The following PCDHGB6 variants were observed in gnomAD, a reference collection of about 807,000 sequenced individuals.
PCDHGB6 encodes protocadherin gamma-B6.
In PCDHGB6, 51 loss-of-function variants were observed where a neutral mutation model predicts 59.1. The ratio of observed to expected loss-of-function variants is 0.86; its 90% CI spans 0.69 to 1.09. The LOEUF (loss-of-function observed/expected upper bound fraction) is 1.09. PCDHGB6 is among the 50% of genes least tolerant of loss of function. The pLI is 0.00. For missense variants in PCDHGB6, 1,148 were observed against 1,205.1 expected (o/e 0.95, Z 0.70); for synonymous variants, 466 against 495.1 (o/e 0.94, Z 0.78).
chr5:141,432,281 A>C lies in PCDHGB6; in HGVS notation c.2418+21661A>C, dbSNP rs1313887209. 1 of 1,614,188 alleles carries C rather than the reference A, an allele frequency of 6.2e-7. No individual in the cohort carries two copies. The highest frequency in any genetic ancestry group is 1.1e-5 in the South Asian group (1 of 91,084). On this transcript the variant is annotated intron_variant, in intron 1 of 3. Coordinates refer to ENST00000520790, the MANE Select transcript of PCDHGB6 (RefSeq NM_018926.3). The surrounding 1 kb of genome is among the most constrained non-coding windows in gnomAD (Gnocchi z 6.0). The stretch of plus-strand genomic sequence containing the variant: ...AAGCCTATCGTCCTACGTGTCCATC[A>C]ACTCCGACACTGGGGTACTGTATGC...
intron 2 of PCDHGB6, among the ~76,000 whole-genome samples, chr5:141,502,787 G>T (rs2099816081): frequency 6.6e-6 from 1 of 151,394 alleles, no homozygotes; most frequent in African/African-American, 2.4e-5. Flanking sequence ...TTACCTGGAT[G>T]ATTTCTTCAG....
chr5:141,466,468 T>C (rs1266315455), intron 1 of PCDHGB6, among the ~76,000 whole-genome samples: 1 of 152,368 alleles, frequency 6.6e-6, no homozygotes, highest in East Asian at 1.9e-4. Flanking sequence ...TTGTTTCTGC[T>C]GTTAATTGTA....
intron 1 of PCDHGB6, among the ~76,000 whole-genome samples, chr5:141,455,549 C>G (rs911113181): frequency 1.3e-5 from 2 of 152,042 alleles, no homozygotes; most frequent in Non-Finnish European, 2.9e-5. Flanking sequence ...TCACGTAGCC[C>G]GAGAAAAAGC....
chr5:141,490,948 G>T lies in PCDHGB6; in HGVS notation c.2419-3859G>T. 1 of 1,613,756 alleles carries T rather than the reference G, an allele frequency of 6.2e-7. No homozygotes were observed. The highest frequency in any genetic ancestry group is 8.5e-7 in the Non-Finnish European group (1 of 1,179,810). On this transcript the variant is annotated intron_variant, in intron 1 of 3. Coordinates refer to ENST00000520790, the MANE Select transcript of PCDHGB6 (RefSeq NM_018926.3). The surrounding 1 kb of genome is among the most constrained non-coding windows in gnomAD (Gnocchi z 5.4). The stretch of plus-strand genomic sequence containing the variant: ...CCCAGCTGTGCTGCACCCACGGCCA[G>T]ACTGGGAACACTCAGCCCCCCAGCG...
At chr5:141,445,553 A>G (rs948468877) in intron 1 of PCDHGB6, among the ~76,000 whole-genome samples, 1 of 152,252 alleles carries the variant, frequency 6.6e-6, no homozygotes, top group Non-Finnish European at 1.5e-5. Context: ...ATACAAAAGC[A>G]CTAAGAGAAA....
Position 141,432,736 on chromosome 5 carries a change from G to T in PCDHGB6, c.2418+22116G>T. On this transcript the variant is annotated intron_variant, in intron 1 of 3. Transcript: ENST00000520790. The surrounding 1 kb of genome is among the most constrained non-coding windows in gnomAD (Gnocchi z 6.0). ...AGCCCCCTCTCTCCGCCACTGTCACGCTCACCGTGGCCGTGGCCGACAGCA... is the reference window on the plus strand; with the variant it reads ...AGCCCCCTCTCTCCGCCACTGTCACTCTCACCGTGGCCGTGGCCGACAGCA... The T allele has an allele frequency of 6.2e-7, 1 of 1,614,058 alleles. No individual in the cohort carries two copies. The highest frequency in any genetic ancestry group is 8.5e-7 in the Non-Finnish European group (1 of 1,179,980).
chr5:141,484,653 C>G (rs2099598614), intron 1 of PCDHGB6, among the ~76,000 whole-genome samples: 1 of 152,036 alleles, frequency 6.6e-6, no homozygotes, highest in Non-Finnish European at 1.5e-5. Flanking sequence ...AATGGCTACT[C>G]TCCCTCTCAG....
chr5:141,421,149 C>T (rs1030911066), intron 1 of PCDHGB6: 1 of 1,086,106 alleles, frequency 9.2e-7, no homozygotes, highest in Non-Finnish European at 1.3e-6. Context: ...ATGTAGTCGG[C>T]CTAGGACTTC....
chr5:141,507,631 C>T (rs1435446169), intron 3 of PCDHGB6, among the ~76,000 whole-genome samples: 4 of 152,236 alleles, frequency 2.6e-5, no homozygotes, highest in East Asian at 3.8e-4. Context: ...TGTGGCCTTG[C>T]GCCCTGAGGC....
intron 1 of PCDHGB6, among the ~76,000 whole-genome samples, chr5:141,446,323 A>G (rs1372501599): frequency 6.6e-6 from 1 of 152,216 alleles, no homozygotes. Flanking sequence ...GGGTTTCCAC[A>G]TTAAGGAACT....
In PCDHGB6 at chr5:141,511,070, G is replaced by A. The variant is rs1341623011; in HGVS notation, c.2690G>A (p.Gly897Asp). ...PDYRQNVYIP[G>D]SNATLTNAAG... ...TACCGCCAGAATGTCTACATCCCAG[G>A]CAGCAATGCCACACTGACCAACGCA... The change falls in exon 4 of 4, where the codon GGC (glycine) becomes GAC (aspartate). Residue 897 changes from glycine to aspartate, a missense_variant. Physicochemically the swap from Gly to Asp is moderately conservative, Grantham distance 94 (BLOSUM62 -1). Transcript: ENST00000520790. 2.5e-6 allele frequency: 4 copies of A among 1,614,218 alleles called. No homozygotes were observed. Among genetic ancestry groups the A allele is most frequent in the Admixed American group, 1.7e-5 (1 of 60,030 alleles).
At chr5:141,464,816 G>A (rs11167751) in intron 1 of PCDHGB6, among the ~76,000 whole-genome samples, 42,470 of 151,904 alleles carry the variant, frequency 0.28, 6,668 homozygotes, top group African/African-American at 0.43. Context: ...ATAGCTCACT[G>A]TAGCCTCGCA....
intron 3 of PCDHGB6, among the ~76,000 whole-genome samples, chr5:141,510,691 T>C (rs1013489554): frequency 4.6e-5 from 7 of 152,138 alleles, no homozygotes; most frequent in African/African-American, 1.7e-4. Flanking sequence ...GGAGGTTAGG[T>C]AGACTTGCCC....
rs781026604 is a variant in PCDHGB6, at chr5:141,490,471, C to G, written c.2419-4336C>G. ...CCACTACTCGCTGCTAACCAGCCAG[C>G]CTTTGGACCGGGAGGCCACATCCCA... On this transcript the variant is annotated intron_variant, in intron 1 of 3. Coordinates refer to ENST00000520790, the MANE Select transcript of PCDHGB6 (RefSeq NM_018926.3). The surrounding 1 kb of genome is among the most constrained non-coding windows in gnomAD (Gnocchi z 5.4). 12 of 1,614,096 alleles carry G rather than the reference C, an allele frequency of 7.4e-6. No homozygotes were observed. The highest frequency in any genetic ancestry group is 1.1e-5 in the South Asian group (1 of 91,092).
intron 1 of PCDHGB6, among the ~76,000 whole-genome samples, chr5:141,443,521 T>A (rs2098392520): frequency 6.6e-6 from 1 of 152,156 alleles, no homozygotes; most frequent in Admixed American, 6.6e-5. Context: ...TCTCTCCTTA[T>A]GACTTATTTA....
Position 141,485,567 on chromosome 5 carries a change from C to G in PCDHGB6, c.2419-9240C>G. The stretch of plus-strand genomic sequence containing the variant: ...CGTAGATGTGAATGATCACGCCCCC[C>G]GTTTTCCGCGGCAGCAGCTGGACTT... On this transcript the variant is annotated intron_variant, in intron 1 of 3. Transcript: ENST00000520790. This position sits in a 1 kb window ranked among gnomAD's most constrained non-coding sequence, Gnocchi z 5.7. 1 of 1,612,882 alleles carries G rather than the reference C, an allele frequency of 6.2e-7. No individual in the cohort carries two copies. The highest frequency in any genetic ancestry group is 8.5e-7 in the Non-Finnish European group (1 of 1,178,978).
In PCDHGB6 at chr5:141,433,032, C is replaced by T. The variant is rs751061646; in HGVS notation, c.2418+22412C>T. The T allele has an allele frequency of 2.5e-6, 4 of 1,614,188 alleles. No homozygotes were observed. Among genetic ancestry groups the T allele is most frequent in the African/African-American group, 2.7e-5 (2 of 75,058 alleles). On this transcript the variant is annotated intron_variant, in intron 1 of 3. Transcript: ENST00000520790. ...CTGCAGACCTATTCCCACGAGGTTTCCCTCACCACGGACTCGCGGAAGAGT... is the reference window on the plus strand; with the variant it reads ...CTGCAGACCTATTCCCACGAGGTTTTCCTCACCACGGACTCGCGGAAGAGT...
intron 1 of PCDHGB6, among the ~76,000 whole-genome samples, chr5:141,455,286 T>G (rs889792228): frequency 6.6e-6 from 1 of 152,176 alleles, no homozygotes; most frequent in African/African-American, 2.4e-5. Flanking sequence ...AACATCACTT[T>G]ACATAGTTTC....
intron 1 of PCDHGB6, among the ~76,000 whole-genome samples, chr5:141,481,193 A>G (rs749746998): frequency 1.3e-5 from 2 of 152,216 alleles, no homozygotes; most frequent in Admixed American, 6.5e-5. Context: ...GCCAGGCCCA[A>G]TTTTTTTAAA....
Sources: gnomAD v4.1 joint callset for allele counts (sites outside exome capture counted in the v4.1 genomes callset) on GRCh38, gnomAD v4.1.1 for gene constraint, Gnocchi (gnomAD v3.1) non-coding constraint, MANE v1.5 for transcripts, NCBI Gene and HGNC (gene_info 2026-07-23, HGNC 2026-07-21) for gene names.